BRINP2: variants seen among roughly 807,000 people sequenced by gnomAD.
BRINP2 encodes the protein BMP/retinoic acid-inducible neural-specific protein 2.
In BRINP2, 21 loss-of-function variants were observed where a neutral mutation model predicts 69.2. The observed-to-expected ratio is 0.30, with a 90% confidence interval of 0.22 to 0.44. BRINP2 has a LOEUF of 0.44. Among genes scored for constraint, BRINP2 ranks in the 20% least tolerant of loss-of-function variants. The pLI is 1.00. For synonymous variants in BRINP2, 380 were observed against 394.1 expected, an observed-to-expected ratio of 0.96 and a Z score of 0.42; for missense variants, 877 against 986.0, an observed-to-expected ratio of 0.89 and a Z score of 1.48.
At chr1:177,204,821 TAG>T (rs1367686275) in intron 1 of BRINP2, among the ~76,000 whole-genome samples, 2 of 152,154 alleles carry the variant, frequency 1.3e-5, no homozygotes, top group South Asian at 2.1e-4. Context: ...TGTGTGTATA[TAG>T]AGTCTTTTTC....
Position 177,230,076 on chromosome 1 carries a change from G to A in BRINP2, c.200G>A (p.Arg67His), listed in dbSNP as rs1419220723. 3 of 1,613,586 alleles carry A rather than the reference G, an allele frequency of 1.9e-6. No individual in the cohort carries two copies. The highest frequency in any genetic ancestry group is 2.2e-5 in the South Asian group (2 of 91,050). The stretch of plus-strand genomic sequence containing the variant: ...CTCACAGACCGGGGCCCCTTCCACC[G>A]CGCTCAGGAGTATGCTGACTTCATG... ...WLLTDRGPFH[R>H]AQEYADFMER... The change falls in exon 2 of 8, where the codon CGC becomes CAC. Residue 67 changes from arginine (R) to histidine (H), a missense_variant. By Grantham distance (29) the Arg-to-His change is conservative. Around this residue, in one of 3 missense-constraint regions of BRINP2, gnomAD observed 566 missense variants for 625.2 expected, o/e 0.91. Transcript: ENST00000361539.
chr1:177,231,743 A>G (rs1394869284), intron 2 of BRINP2, among the ~76,000 whole-genome samples: 1 of 152,204 alleles, frequency 6.6e-6, no homozygotes, highest in East Asian at 1.9e-4. Flanking sequence ...GGCCCTTGCC[A>G]TCTTCCAAGG....
At chr1:177,180,115 A>G (rs1390562296) in intron 1 of BRINP2, among the ~76,000 whole-genome samples, 1 of 152,200 alleles carries the variant, frequency 6.6e-6, no homozygotes, top group Non-Finnish European at 1.5e-5. Flanking sequence ...TAAAAATTGT[A>G]CTAGGTTCAT....
intron 1 of BRINP2, among the ~76,000 whole-genome samples, chr1:177,213,042 T>A (rs1314117132): frequency 1.3e-5 from 2 of 152,214 alleles, no homozygotes; most frequent in African/African-American, 2.4e-5. Flanking sequence ...GAAGGTCCTA[T>A]TAAGCATGAA....
At chr1:177,179,718 G>T (rs1001167602) in intron 1 of BRINP2, among the ~76,000 whole-genome samples, 6 of 152,124 alleles carry the variant, frequency 3.9e-5, no homozygotes, top group African/African-American at 1.4e-4. Context: ...CAAAAGGGCT[G>T]GGGACAACCC....
At chr1:177,244,779 G>C (rs965027847) in intron 2 of BRINP2, among the ~76,000 whole-genome samples, 1 of 152,204 alleles carries the variant, frequency 6.6e-6, no homozygotes, top group African/African-American at 2.4e-5. Flanking sequence ...GGCTAAAAGA[G>C]CAGCACCTGC....
intron 1 of BRINP2, among the ~76,000 whole-genome samples, chr1:177,200,957 C>T (rs1486434687): frequency 5.3e-5 from 8 of 151,834 alleles, no homozygotes; most frequent in East Asian, 1.9e-4. Flanking sequence ...AACCAAATAC[C>T]GTATGTTCTC....
rs1650743344 is a variant in BRINP2 at position 177,255,987 on chromosome 1, C to T, written c.338C>T (p.Pro113Leu). 6.2e-7 allele frequency: 1 copy of T among 1,614,130 alleles called. No homozygotes were observed. The highest frequency in any genetic ancestry group is 1.3e-5 in the African/African-American group (1 of 74,944). ...AAGGACTTCTTCAGTTTGCCATTGCCTCTTGCCCCAGAGTTTATCCGGAAC... is the reference window on the plus strand; with the variant it reads ...AAGGACTTCTTCAGTTTGCCATTGCTTCTTGCCCCAGAGTTTATCCGGAAC... The part of the protein sequence containing the change: ...ERKDFFSLPL[P>L]LAPEFIRNIR... The change falls in exon 3 of 8, where the codon CCT becomes CTT. Residue 113 changes from proline (P) to leucine (L), a missense_variant. Around this residue, in one of 3 missense-constraint regions of BRINP2, gnomAD observed 566 missense variants for 625.2 expected, o/e 0.91. Coordinates refer to ENST00000361539, the MANE Select transcript of BRINP2 (RefSeq NM_021165.4).
rs375134301 is a variant in BRINP2, at chr1:177,209,066, G to A, written c.-76-20735G>A. Among the ~76,000 whole-genome samples the A allele has an allele frequency of 7.2e-5, 11 of 152,162 alleles. 1 individual carries two copies. The highest frequency in any genetic ancestry group is 2.6e-4 in the African/African-American group (11 of 41,540). ...AAGTGGCAGGGCCCTGTGTGTGACC[G>A]CATGGGTTGTGTTCCGCTCAACAAC... On this transcript the variant is annotated intron_variant, in intron 1 of 7. Coordinates refer to ENST00000361539, the MANE Select transcript of BRINP2 (RefSeq NM_021165.4).
rs912146352 is a variant in BRINP2, at chr1:177,229,987, G to A, written c.111G>A (p.Thr37=). 15 of 1,613,174 alleles carry A rather than the reference G, an allele frequency of 9.3e-6. No individual in the cohort carries two copies. The highest frequency in any genetic ancestry group is 6.7e-5 in the African/African-American group (5 of 74,926). ...GCTGGGTGTTGGCTGTCTCAGCCAC[G>A]GCGGCTGCTGTGGTCCCCGAGCAGC... ...LPGWVLAVSA[T]AAAVVPEQHA... is the part of the protein sequence containing the mutation. The change falls in exon 2 of 8, where the codon ACG becomes ACA. Residue 37 remains threonine (T), a synonymous_variant. Transcript: ENST00000361539.
At chr1:177,172,038 C>T (rs750499418) in intron 1 of BRINP2, among the ~76,000 whole-genome samples, 4 of 152,142 alleles carry the variant, frequency 2.6e-5, no homozygotes, top group Non-Finnish European at 1.5e-5. Flanking sequence ...TAGTGCAACT[C>T]CTATTAGCTT....
At chr1:177,181,555 G>C (rs1341302579) in intron 1 of BRINP2, among the ~76,000 whole-genome samples, 2 of 152,194 alleles carry the variant, frequency 1.3e-5, no homozygotes, top group African/African-American at 4.8e-5. Context: ...GTGAGGTGGG[G>C]ATGCAGAGGG....
intron 1 of BRINP2, among the ~76,000 whole-genome samples, chr1:177,191,367 G>GATGAGA (rs1427708898): frequency 5.3e-5 from 8 of 152,182 alleles, no homozygotes; most frequent in African/African-American, 1.9e-4. Flanking sequence ...TGAGGATGAG[G>GATGAGA]ATGAGAACAA....
rs544227596 is a variant in BRINP2, at chr1:177,180,002, A to C, written c.-77+8270A>C. Among the ~76,000 whole-genome samples the C allele has an allele frequency of 7.2e-5, 11 of 152,336 alleles. No individual in the cohort carries two copies. The South Asian group carries it at 2.3e-3, about 32-fold the overall frequency. ...GCATGCATCTATACCTTCTGAATGAATATCTCTTATAATAAAAGGTTAAAG... is the reference window on the plus strand; with the variant it reads ...GCATGCATCTATACCTTCTGAATGACTATCTCTTATAATAAAAGGTTAAAG... On this transcript the variant is annotated intron_variant, in intron 1 of 7. Transcript: ENST00000361539.
intron 4 of BRINP2, among the ~76,000 whole-genome samples, chr1:177,267,089 CT>C (rs1016665808): frequency 2.0e-5 from 3 of 152,118 alleles, no homozygotes; most frequent in Non-Finnish European, 2.9e-5. Flanking sequence ...ATAGATTAGG[CT>C]CTTCTGCTCA....
chr1:177,237,520 CT>C (rs2102330921), intron 2 of BRINP2, among the ~76,000 whole-genome samples: 1 of 152,330 alleles, frequency 6.6e-6, no homozygotes, highest in South Asian at 2.1e-4. Flanking sequence ...TTTCCCATGT[CT>C]TTGGGGGCTA....
At chr1:177,237,630 C>T (rs943712481) in intron 2 of BRINP2, among the ~76,000 whole-genome samples, 34 of 152,242 alleles carry the variant, frequency 2.2e-4, no homozygotes, top group African/African-American at 7.7e-4. Flanking sequence ...AGGGAGCATT[C>T]AGGATGGCCA....
intron 2 of BRINP2, among the ~76,000 whole-genome samples, chr1:177,234,052 C>T (rs749738306): frequency 2.0e-5 from 3 of 152,190 alleles, no homozygotes; most frequent in Admixed American, 2.0e-4. Context: ...GATCTATTAG[C>T]CTCCTTCTCA....
chr1:177,271,186 C>A (rs1173546406), intron 4 of BRINP2, among the ~76,000 whole-genome samples: 1 of 152,194 alleles, frequency 6.6e-6, no homozygotes, highest in Non-Finnish European at 1.5e-5. Context: ...AATGAGTGAA[C>A]CAAATAAATC....
Sources: gnomAD v4.1 joint callset for allele counts (sites outside exome capture counted in the v4.1 genomes callset) on GRCh38, gnomAD v4.1.1 for gene constraint, gnomAD v4.1.1 regional missense constraint, MANE v1.5 for transcripts, NCBI Gene and HGNC (gene_info 2026-07-23, HGNC 2026-07-21) for gene names.